The following PTPRZ1 variants were observed in gnomAD, a reference collection of about 807,000 sequenced individuals.
PTPRZ1 encodes the protein protein tyrosine phosphatase receptor type Z1, also known as receptor-type tyrosine-protein phosphatase zeta.
In PTPRZ1, 82 loss-of-function variants were observed where a neutral mutation model predicts 214.1. The ratio of observed to expected loss-of-function variants is 0.38; its 90% CI spans 0.32 to 0.46. The LOEUF is 0.46. PTPRZ1 is among the 20% of genes least tolerant of loss of function. The pLI is 1.00. For missense variants in PTPRZ1, 2,603 were observed against 2,748.7 expected, an observed-to-expected ratio of 0.95 and a Z score of 1.19; for synonymous variants, 945 against 987.9, an observed-to-expected ratio of 0.96 and a Z score of 0.81.
At chr7:121,956,668 G>A (rs917195567) in intron 2 of PTPRZ1, among the ~76,000 whole-genome samples, 4 of 152,352 alleles carry the variant, frequency 2.6e-5, no homozygotes, top group South Asian at 4.1e-4. Context: ...ATGGGATTCC[G>A]GTCCCAACAG....
At chr7:121,988,117 G>T (rs909275512) in intron 8 of PTPRZ1, among the ~76,000 whole-genome samples, 1 of 152,132 alleles carries the variant, frequency 6.6e-6, no homozygotes, top group African/African-American at 2.4e-5. Flanking sequence ...GCATCTTTTA[G>T]TATTCTCATG....
chr7:121,994,289 C>CTTTTTTTTTTTTTTTTTTTT, intron 8 of PTPRZ1, among the ~76,000 whole-genome samples: 1 of 75,346 alleles, frequency 1.3e-5, no homozygotes, highest in Non-Finnish European at 2.2e-5. Context: ...TAATGCATTT[C>CTTTTTTTTTTTTTTTTTTTT]TTTTTTTTTT....
chr7:121,961,880 T>C (rs748968239), intron 2 of PTPRZ1, among the ~76,000 whole-genome samples: 6 of 152,210 alleles, frequency 3.9e-5, no homozygotes, highest in Non-Finnish European at 7.3e-5. Context: ...AAAGCATGGA[T>C]AAATATGTAA....
At chr7:122,023,037 CT>C (rs1799066004) in intron 13 of PTPRZ1, among the ~76,000 whole-genome samples, 1 of 152,038 alleles carries the variant, frequency 6.6e-6, no homozygotes, top group Non-Finnish European at 1.5e-5. Flanking sequence ...CAAATTAAAC[CT>C]TTTTCTAACA....
At chr7:121,989,584 G>A (rs959248845) in intron 8 of PTPRZ1, among the ~76,000 whole-genome samples, 1 of 152,088 alleles carries the variant, frequency 6.6e-6, no homozygotes, top group Non-Finnish European at 1.5e-5. Context: ...ATGTTAGTCA[G>A]GCTGGTCTTG....
At chr7:122,059,532 T>C (rs1384842554) in intron 28 of PTPRZ1, 2 of 465,108 alleles carry the variant, frequency 4.3e-6, no homozygotes, top group African/African-American at 2.0e-5. Context: ...CATAAGCAAA[T>C]ACTAAACTTC....
chr7:122,058,952 A>G lies in PTPRZ1; in HGVS notation c.6671+10A>G. Reference sequence around the variant, plus strand: ...TGATTGTTCATGATGAGTAAGTTCCATGTGTTAGATGGTTTCACACCTGCA... The same window carrying G: ...TGATTGTTCATGATGAGTAAGTTCCGTGTGTTAGATGGTTTCACACCTGCA... On this transcript the variant is annotated intron_variant, in intron 28 of 29. Coordinates refer to ENST00000393386, the MANE Select transcript of PTPRZ1 (RefSeq NM_002851.3). The G allele has an allele frequency of 1.3e-6, 2 of 1,570,480 alleles. No individual in the cohort carries two copies. Among genetic ancestry groups the G allele is most frequent in the Non-Finnish European group, 8.7e-7 (1 of 1,143,536 alleles).
intron 10 of PTPRZ1, among the ~76,000 whole-genome samples, chr7:122,002,513 A>G (rs945507948): frequency 3.9e-5 from 6 of 152,212 alleles, no homozygotes; most frequent in African/African-American, 1.2e-4. Flanking sequence ...GTAATTTACT[A>G]GAATAGAAAC....
chr7:121,972,474 G>A, intron 3 of PTPRZ1, 67 bp from the exon 4 acceptor site: 17 of 1,415,904 alleles, frequency 1.2e-5, no homozygotes, highest in Non-Finnish European at 1.6e-5. Flanking sequence ...TAAGTAGATG[G>A]AAATTTAGTT....
At chr7:121,995,286 C>T (rs1355336654) in intron 8 of PTPRZ1, among the ~76,000 whole-genome samples, 1 of 152,172 alleles carries the variant, frequency 6.6e-6, no homozygotes, top group Admixed American at 6.5e-5. Flanking sequence ...AAGTCTACTG[C>T]ATGCTCTCAT....
At chr7:121,875,929 G>C (rs1794045369) in intron 1 of PTPRZ1, among the ~76,000 whole-genome samples, 1 of 152,152 alleles carries the variant, frequency 6.6e-6, no homozygotes, top group South Asian at 2.1e-4. Context: ...TATGTATTAA[G>C]TGCTCAGTAA....
intron 13 of PTPRZ1, among the ~76,000 whole-genome samples, chr7:122,023,129 T>C (rs1263353366): frequency 6.6e-6 from 1 of 152,176 alleles, no homozygotes; most frequent in Non-Finnish European, 1.5e-5. Context: ...TATTTAAGTA[T>C]GTTTCTAACC....
chr7:121,953,520 G>C (rs557076041), intron 2 of PTPRZ1, among the ~76,000 whole-genome samples: 1 of 152,238 alleles, frequency 6.6e-6, no homozygotes, highest in East Asian at 1.9e-4. Flanking sequence ...TATTTTTTAT[G>C]TCAGCCTTTA....
chr7:122,009,659 T>G (rs550982982), intron 11 of PTPRZ1, among the ~76,000 whole-genome samples: 1 of 152,146 alleles, frequency 6.6e-6, no homozygotes, highest in Admixed American at 6.6e-5. Flanking sequence ...CCTGGGTCAT[T>G]GCATGGAAGA....
At position 122,034,282 on chromosome 7, in the gene PTPRZ1, G is replaced by C. The variant is rs777963588; in HGVS notation, c.5188G>C (p.Glu1730Gln). ...ATGATTTACATATAATTTTTTACAG[G>C]AAGTGCAGAGCTGTACTGTTGACTT... ...EFETLKEFYQ[E>Q]VQSCTVDLGI... Residue 1730 changes from glutamate (E) to glutamine (Q), a missense_variant and splice_region_variant, in exon 17 of 30, where the codon GAA becomes CAA. This residue lies in a region of PTPRZ1 where 1,913 missense variants were observed against 1,914.3 expected (regional missense o/e 1.00). Coordinates refer to ENST00000393386, the MANE Select transcript of PTPRZ1 (RefSeq NM_002851.3). The C allele has an allele frequency of 1.2e-5, 19 of 1,610,972 alleles. No homozygotes were observed. Among genetic ancestry groups the C allele is most frequent in the Non-Finnish European group, 1.5e-5 (18 of 1,178,718 alleles).
intron 25 of PTPRZ1, 22 bp downstream of exon 25, chr7:122,051,961 G>T (rs768754616): frequency 1.3e-6 from 2 of 1,571,936 alleles, no homozygotes; most frequent in East Asian, 2.3e-5. Context: ...AAGTCACTGA[G>T]GAGACTGCCA....
chr7:121,968,446 T>C (rs943019633), intron 3 of PTPRZ1, among the ~76,000 whole-genome samples: 2 of 152,184 alleles, frequency 1.3e-5, no homozygotes, highest in Admixed American at 6.5e-5. Flanking sequence ...AGGATTTCTT[T>C]TTCTTGAGCA....
intron 29 of PTPRZ1, among the ~76,000 whole-genome samples, chr7:122,060,174 A>C (rs1425589498): frequency 6.6e-6 from 1 of 152,172 alleles, no homozygotes; most frequent in Non-Finnish European, 1.5e-5. Flanking sequence ...GCTCACCTTC[A>C]GCTCTTTGGT....
rs376644794 is a variant in PTPRZ1 at position 121,892,001 on chromosome 7, A to G, written c.58+18444A>G. 5.3e-5 allele frequency among the ~76,000 whole-genome samples: 8 copies of G among 152,216 alleles called. No individual in the cohort carries two copies. In the South Asian group the frequency reaches 1.7e-3, roughly 32 times the overall value. On this transcript the variant is annotated intron_variant, in intron 1 of 29. Coordinates refer to ENST00000393386, the MANE Select transcript of PTPRZ1 (RefSeq NM_002851.3). ...ACAAATTTGTTATTTTAAATAAAGA[A>G]TGTTCTTAAGTTTTTTTGTTTTTTA...
Sources: gnomAD v4.1 joint callset for allele counts (sites outside exome capture counted in the v4.1 genomes callset) on GRCh38, gnomAD v4.1.1 for gene constraint, gnomAD v4.1.1 regional missense constraint, MANE v1.5 for transcripts, NCBI Gene and HGNC (gene_info 2026-07-23, HGNC 2026-07-21) for gene names.